The following CEP290 variants were observed in gnomAD, a reference collection of about 807,000 sequenced individuals.
The protein encoded by CEP290 is centrosomal protein of 290 kDa.
A neutral mutation model predicts 344.9 loss-of-function variants in CEP290; 317 were observed. The observed-to-expected ratio is 0.92, with a 90% CI of 0.84 to 1.01. The LOEUF is 1.01. CEP290 is among the 50% of genes least tolerant of loss of function. The pLI, the probability that CEP290 is intolerant of heterozygous loss-of-function variation, is 0.00. For synonymous variants in CEP290, 932 were observed against 895.8 expected (o/e 1.04, Z -0.72); for missense variants, 2,754 against 2,761.4 (o/e 1.00, Z 0.06).
chr12:88,137,304 T>G (rs914872081), intron 5 of CEP290, among the ~76,000 whole-genome samples: 1 of 152,246 alleles, frequency 6.6e-6, no homozygotes, highest in Middle Eastern at 3.2e-3. Context: ...GTGTGGCTAG[T>G]GCAACTGAAG....
intron 30 of CEP290, 113 bp downstream of exon 30, chr12:88,090,615 A>G (rs1208764376): frequency 2.9e-6 from 2 of 696,204 alleles, no homozygotes; most frequent in Non-Finnish European, 4.9e-6. Flanking sequence ...GGGCAACAGA[A>G]TGAGACCCTA....
Position 88,111,816 on chromosome 12 carries a change from G to C in CEP290, c.2095C>G (p.Leu699Val), listed in dbSNP as rs748627817. 3 of 1,603,396 alleles carry C rather than the reference G, an allele frequency of 1.9e-6. No individual in the cohort carries two copies. Among genetic ancestry groups the C allele is most frequent in the Admixed American group, 1.7e-5 (1 of 58,558 alleles). Reference protein sequence around the residue: ...KNAEGIFDASLHLKAQVDQLT... With the variant: ...KNAEGIFDASVHLKAQVDQLT... Reference sequence around the variant, plus strand: ...TGATCAACTTGGGCTTTCAAATGCAGACTCGCATCAAAGATTCCTTCTGCA... The same window carrying C: ...TGATCAACTTGGGCTTTCAAATGCACACTCGCATCAAAGATTCCTTCTGCA... Residue 699 changes from leucine (L) to valine (V), a missense_variant, in exon 21 of 54, where the codon CTG becomes GTG. Transcript: ENST00000552810.
chr12:88,128,962 T>G lies in CEP290; in HGVS notation c.926A>C (p.Lys309Thr). The change falls in exon 11 of 54, where the codon AAA becomes ACA. Residue 309 changes from lysine to threonine, a missense_variant. Coordinates refer to ENST00000552810, the MANE Select transcript of CEP290 (RefSeq NM_025114.4). ...AAAAAATACCTTCCATTCTTCTACT[T>G]TTGCATTGACAGCTACCATAATTGG... ...DDPIMVAVNA[K>T]VEEWKLILSS... is the part of the protein sequence containing the mutation. The G allele has an allele frequency of 1.3e-6, 2 of 1,527,034 alleles. No homozygotes were observed. Among genetic ancestry groups the G allele is most frequent in the Non-Finnish European group, 1.7e-6 (2 of 1,147,864 alleles). The allele number at this position is 1,527,034 out of a possible 1,614,324, so 94.6% of individuals were successfully genotyped here.
At chr12:88,078,922 T>C (rs2035982685) in intron 39 of CEP290, among the ~76,000 whole-genome samples, 170 bp downstream of exon 39, 1 of 152,124 alleles carries the variant, frequency 6.6e-6, no homozygotes, top group Admixed American at 6.6e-5. Flanking sequence ...AGTAAATGAG[T>C]ATCATAAAGA....
chr12:88,109,910 C>T (rs1417409152), intron 22 of CEP290, among the ~76,000 whole-genome samples: 2 of 151,832 alleles, frequency 1.3e-5, no homozygotes, highest in Non-Finnish European at 2.9e-5. Context: ...GTTCCTATAC[C>T]TCAGGTAAAT....
intron 6 of CEP290, chr12:88,136,398 T>C (rs959157146): frequency 5.9e-5 from 25 of 422,250 alleles, no homozygotes; most frequent in Non-Finnish European, 1.0e-4. Context: ...GGTAACAAGT[T>C]TGATGTCCTG....
At chr12:88,131,346 C>G in intron 6 of CEP290, 128 bp from the exon 7 acceptor site, 1 of 576,696 alleles carries the variant, frequency 1.7e-6, no homozygotes. Flanking sequence ...TCACTGCAAC[C>G]TCTGCCTCCC....
intron 38 of CEP290, among the ~76,000 whole-genome samples, chr12:88,079,657 C>CACCAGCAT (rs1288360663): frequency 6.6e-6 from 1 of 152,062 alleles, no homozygotes; most frequent in Admixed American, 6.6e-5. Context: ...CACAGAAAAA[C>CACCAGCAT]ACCAGCATCT....
rs2038499476 is a variant in CEP290 at position 88,109,167 on chromosome 12, TTTA to T, written c.2379_2381del (p.Asn793del). ...CTTCTAAATTCTTTAACTTTTTTTCTTTATTTTCTAGTTCCTGAAAAGTGGTTT... is the reference window on the plus strand; with the variant it reads ...CTTCTAAATTCTTTAACTTTTTTTCTTTTTCTAGTTCCTGAAAAGTGGTTT... On this transcript the variant is annotated inframe_deletion, in exon 23 of 54. Transcript: ENST00000552810. 1.6e-6 allele frequency: 2 copies of T among 1,251,792 alleles called. No individual in the cohort carries two copies. Among genetic ancestry groups the T allele is most frequent in the Admixed American group, 6.0e-5 (2 of 33,222 alleles). 77.5% of individuals were successfully genotyped at this position (1,251,792 alleles called of 1,614,324 possible).
rs2039988932 is a variant in CEP290 at position 88,130,341 on chromosome 12, C to T, written c.596G>A (p.Gly199Glu). ...CTGTGATCGGTAGTCACTGTCTTCC[C>T]CTCTTCTTGATAAAAGTGTTTCTTT... ...SQKETLLSRR[G>E]EDSDYRSQLS... Residue 199 changes from glycine to glutamate, a missense_variant, in exon 9 of 54, where the codon GGG (glycine) becomes GAG (glutamate). Physicochemically the swap from Gly to Glu is moderately conservative, Grantham distance 98. Transcript: ENST00000552810. 1 of 1,609,468 alleles carries T rather than the reference C, an allele frequency of 6.2e-7. No individual in the cohort carries two copies. Among genetic ancestry groups the T allele is most frequent in the Non-Finnish European group, 8.5e-7 (1 of 1,178,228 alleles).
At position 88,077,796 on chromosome 12, in the gene CEP290, T is replaced by C; in HGVS notation, c.5487A>G (p.Lys1829=). ...LNDLNNELQK[K]QKAYNKILRE... ...TAAGTATTTTATTATAGGCTTTTTG[T>C]TTCTTTTGCAGTTCATTATTTAAGT... Residue 1829 remains lysine, a synonymous_variant, in exon 40 of 54, where the codon AAA becomes AAG. Coordinates refer to ENST00000552810, the MANE Select transcript of CEP290 (RefSeq NM_025114.4). 1 of 1,566,910 alleles carries C rather than the reference T, an allele frequency of 6.4e-7. No homozygotes were observed. Among genetic ancestry groups the C allele is most frequent in the Non-Finnish European group, 8.7e-7 (1 of 1,149,276 alleles).
Position 88,089,108 on chromosome 12 carries a change from GT to G in CEP290, c.3952del (p.Thr1318HisfsTer6). ...CTTTAATTTTAATTCCATCTCCAAT[GT>G]TTTGTTCTCCATATTTCTATGTTCT... ...QQEHRNMENK[T>X]LEMELKLKGL... is the part of the protein sequence containing the mutation. On this transcript the variant is annotated frameshift_variant, in exon 31 of 54. Transcript: ENST00000552810. LOFTEE classifies it high-confidence loss of function. The G allele has an allele frequency of 6.4e-7, 1 of 1,569,714 alleles. No individual in the cohort carries two copies. The highest frequency in any genetic ancestry group is 8.6e-7 in the Non-Finnish European group (1 of 1,160,884).
chr12:88,062,898 G>A, intron 45 of CEP290, 120 bp from the exon 46 acceptor site: 2 of 599,176 alleles, frequency 3.3e-6, no homozygotes, highest in South Asian at 2.2e-5. Flanking sequence ...CAAATAATAG[G>A]GTCTCTATAT....
intron 44 of CEP290, 96 bp from the exon 45 acceptor site, chr12:88,064,211 T>A (rs2034711123): frequency 1.7e-5 from 18 of 1,068,270 alleles, no homozygotes; most frequent in South Asian, 1.7e-4. Flanking sequence ...AAGGTAACTT[T>A]TTTTCCTCAA....
At position 88,071,903 on chromosome 12, in the gene CEP290, C is replaced by A. The variant is rs1565813077; in HGVS notation, c.5733G>T (p.Arg1911Ser). The A allele has an allele frequency of 1.3e-6, 2 of 1,598,666 alleles. No individual in the cohort carries two copies. Among genetic ancestry groups the A allele is most frequent in the Non-Finnish European group, 1.7e-6 (2 of 1,174,158 alleles). ...KEKNAKEELI[R>S]WEEGKKWQAK... ...CTTGCCACTTTTTACCTTCTTCCCA[C>A]CTAATTAATTCTTCTTTAGCATTCT... is the stretch of plus-strand genomic sequence containing the variant. Residue 1911 changes from arginine to serine, a missense_variant, in exon 42 of 54, where the codon AGG (arginine) becomes AGT (serine). Arg to Ser is a moderately radical substitution (Grantham distance 110). Transcript: ENST00000552810.
chr12:88,067,376 A>G (rs1433389902), intron 44 of CEP290, among the ~76,000 whole-genome samples: 1 of 152,204 alleles, frequency 6.6e-6, no homozygotes, highest in Admixed American at 6.5e-5. Context: ...GCTACTTACT[A>G]TAAGAAAATT....
intron 25 of CEP290, among the ~76,000 whole-genome samples, chr12:88,106,289 G>A (rs758868572): frequency 5.3e-5 from 8 of 151,992 alleles, no homozygotes; most frequent in Non-Finnish European, 7.4e-5. Flanking sequence ...ATTTTTTGGA[G>A]AAAAAGAAAA....
At chr12:88,054,641 G>A (rs2033854924) in intron 50 of CEP290, among the ~76,000 whole-genome samples, 1 of 152,166 alleles carries the variant, frequency 6.6e-6, no homozygotes, top group Admixed American at 6.5e-5. Context: ...AAATGGCAAT[G>A]TTCCATCTTG....
Position 88,139,575 on chromosome 12 carries a change from A to C in CEP290, c.181-11T>G. The stretch of plus-strand genomic sequence containing the variant: ...TTCTTGAGCTTTCATCTAAACATTA[A>C]AAAAAGGTTATTTCAATATGCCTTT... On this transcript the variant is annotated splice_polypyrimidine_tract_variant and intron_variant, in intron 3 of 53. Coordinates refer to ENST00000552810, the MANE Select transcript of CEP290 (RefSeq NM_025114.4). 1 of 1,548,846 alleles carries C rather than the reference A, an allele frequency of 6.5e-7. No homozygotes were observed. Among genetic ancestry groups the C allele is most frequent in the African/African-American group, 1.4e-5 (1 of 72,066 alleles).
Sources: allele counts gnomAD v4.1 joint callset (sites outside exome capture counted in the v4.1 genomes callset), GRCh38; gene constraint gnomAD v4.1.1; transcripts MANE v1.5; gene names NCBI Gene and HGNC (gene_info 2026-07-23, HGNC 2026-07-21).